CRYBG1: variants seen among roughly 807,000 people sequenced by gnomAD.
CRYBG1 encodes the protein crystallin beta-gamma domain containing 1.
A neutral mutation model predicts 189.2 loss-of-function variants in CRYBG1; 139 were observed. That is an observed-to-expected ratio of 0.73 (90% confidence interval 0.64 to 0.85). CRYBG1 has a LOEUF of 0.85. CRYBG1 is among the 40% of genes least tolerant of loss of function. The pLI, the probability that CRYBG1 is intolerant of heterozygous loss-of-function variation, is 0.00. For missense variants in CRYBG1, 2,611 were observed against 2,675.8 expected, an observed-to-expected ratio of 0.98 and a Z score of 0.53; for synonymous variants, 1,023 against 1,017.1, an observed-to-expected ratio of 1.01 and a Z score of -0.11.
At chr6:106,561,199 AAAATTTAAAACCTCTG>A (rs1428268614) in intron 19 of CRYBG1, 127 bp from the exon 20 acceptor site, 1 of 1,038,500 alleles carries the variant, frequency 9.6e-7, no homozygotes, top group Admixed American at 3.0e-5. Context: ...TCTCATTGAG[AAAATTTAAAACCTCTG>A]AGACTCTTGA....
intron 1 of CRYBG1, among the ~76,000 whole-genome samples, chr6:106,395,192 T>G (rs563118007): frequency 9.2e-5 from 14 of 151,952 alleles, no homozygotes; most frequent in African/African-American, 2.4e-4. Flanking sequence ...CTCAGGAGTT[T>G]GAGATCAGTC....
chr6:106,528,519 A>C (rs1773805439), intron 7 of CRYBG1, among the ~76,000 whole-genome samples: 1 of 152,126 alleles, frequency 6.6e-6, no homozygotes, highest in African/African-American at 2.4e-5. Context: ...TACAGGTACA[A>C]TGCTGTTCCA....
intron 2 of CRYBG1, among the ~76,000 whole-genome samples, chr6:106,452,170 G>A (rs1771794385): frequency 1.3e-5 from 2 of 148,432 alleles, no homozygotes; most frequent in Non-Finnish European, 3.0e-5. Context: ...ATTTTTGGAG[G>A]CAGAGGCAGG....
In CRYBG1 at chr6:106,511,864, C is replaced by A. The variant is rs1392821167; in HGVS notation, c.747C>A (p.Thr249=). Reference sequence around the variant, plus strand: ...AGGGAGAGCCTTTCCCAGATGCCACCACCACTGCCAAGCAGCTGCATTCCT... The same window carrying A: ...AGGGAGAGCCTTTCCCAGATGCCACAACCACTGCCAAGCAGCTGCATTCCT... ...EAEGEPFPDA[T]TTAKQLHSSP... is the part of the protein sequence containing the mutation. Residue 249 remains threonine (T), a synonymous_variant, in exon 3 of 22, where the codon ACC becomes ACA. Transcript: ENST00000633556. 6.6e-7 allele frequency: 1 copy of A among 1,515,686 alleles called. No individual in the cohort carries two copies. The highest frequency in any genetic ancestry group is 8.8e-7 in the Non-Finnish European group (1 of 1,134,436). 93.9% of individuals were successfully genotyped at this position (1,515,686 alleles called of 1,614,324 possible). A position where few individuals can be genotyped will look rare whatever the true frequency, so the allele number is the denominator to read the frequency against.
chr6:106,428,644 A>G (rs1415449213), intron 1 of CRYBG1, among the ~76,000 whole-genome samples: 3 of 152,230 alleles, frequency 2.0e-5, no homozygotes, highest in Non-Finnish European at 2.9e-5. Context: ...GAGAGAAAGT[A>G]TCTTGCCTAA....
chr6:106,427,083 T>C (rs957081171), intron 1 of CRYBG1, among the ~76,000 whole-genome samples: 4 of 152,278 alleles, frequency 2.6e-5, no homozygotes, highest in African/African-American at 4.8e-5. Flanking sequence ...CTTCCCAACT[T>C]TGAAATGTGG....
Position 106,398,508 on chromosome 6 carries a change from G to A in CRYBG1, c.173+37427G>A, listed in dbSNP as rs144662939. Among the ~76,000 whole-genome samples, 654 of 152,150 alleles carry A rather than the reference G, an allele frequency of 4.3e-3. 4 individuals carry two copies. Among genetic ancestry groups the A allele is most frequent in the African/African-American group, 0.015 (628 of 41,526 alleles). ...TAAACCAACAACCGGTGAACCAGAA[G>A]CCAATTCAGTAATTGGTAGCAAAAA... On this transcript the variant is annotated intron_variant, in intron 1 of 21. Transcript: ENST00000633556.
At position 106,519,021 on chromosome 6, in the gene CRYBG1, G is replaced by C. The variant is rs988436245; in HGVS notation, c.1923-110G>C. The stretch of plus-strand genomic sequence containing the variant: ...CACACACACACACCACACTCCAAAT[G>C]TTATATATCAGGGAGATGTTGGCTT... On this transcript the variant is annotated intron_variant, in intron 3 of 21. Transcript: ENST00000633556. 13 of 1,054,670 alleles carry C rather than the reference G, an allele frequency of 1.2e-5. No homozygotes were observed. The African/African-American group carries it at 2.2e-4, about 18-fold the overall frequency. The allele number at this position is 1,054,670 out of a possible 1,614,324, so 65.3% of individuals were successfully genotyped here.
chr6:106,492,045 A>G lies in CRYBG1; in HGVS notation c.313-19385A>G, dbSNP rs149423787. On this transcript the variant is annotated intron_variant, in intron 2 of 21. Transcript: ENST00000633556. Reference sequence around the variant, plus strand: ...TCTTGGCCCTCATCTTATTAAATCCATCCTTTAAGGCTAGTACTGTGTTCT... The same window carrying G: ...TCTTGGCCCTCATCTTATTAAATCCGTCCTTTAAGGCTAGTACTGTGTTCT... 1.8e-4 allele frequency among the ~76,000 whole-genome samples: 27 copies of G among 152,100 alleles called. No homozygotes were observed. In the East Asian group the frequency reaches 5.2e-3, roughly 29 times the overall value.
In CRYBG1 at chr6:106,513,033, T is replaced by G; in HGVS notation, c.1916T>G (p.Val639Gly). Residue 639 changes from valine to glycine, a missense_variant, in exon 3 of 22, where the codon GTG (valine) becomes GGG (glycine). Physicochemically the swap from Val to Gly is moderately radical, Grantham distance 109. Coordinates refer to ENST00000633556, the MANE Select transcript of CRYBG1 (RefSeq NM_001371242.2). ...GGCAGGTCGACAGTGACCACTAAAG[T>G]GACCCTGTAAGTAGCCGCGCAAGTC... ...GVGRSTVTTK[V>G]TLPAKPKHVE... 1 of 1,601,366 alleles carries G rather than the reference T, an allele frequency of 6.2e-7. No homozygotes were observed. The highest frequency in any genetic ancestry group is 8.5e-7 in the Non-Finnish European group (1 of 1,179,160).
At chr6:106,443,185 A>G (rs1771597916) in intron 1 of CRYBG1, among the ~76,000 whole-genome samples, 1 of 152,182 alleles carries the variant, frequency 6.6e-6, no homozygotes, top group South Asian at 2.1e-4. Flanking sequence ...TGTATTTATA[A>G]CTGCCTCCCT....
chr6:106,422,363 A>C (rs1771146871), intron 1 of CRYBG1, among the ~76,000 whole-genome samples: 1 of 48,106 alleles, frequency 2.1e-5, no homozygotes, highest in South Asian at 1.2e-3. Context: ...ACATGGTCTC[A>C]CTTGGTCACC....
At chr6:106,416,414 A>G (rs1018962752) in intron 1 of CRYBG1, among the ~76,000 whole-genome samples, 54 of 152,242 alleles carry the variant, frequency 3.5e-4, no homozygotes, top group African/African-American at 1.1e-3. Flanking sequence ...ACACCCAAGC[A>G]TGAGCTTTAC....
chr6:106,519,332 TA>T lies in CRYBG1; in HGVS notation c.2128del (p.Thr710ArgfsTer8). 1 of 1,614,112 alleles carries T rather than the reference TA, an allele frequency of 6.2e-7. No individual in the cohort carries two copies. The highest frequency in any genetic ancestry group is 8.5e-7 in the Non-Finnish European group (1 of 1,180,018). ...GCCAAAGGAATACTCCTGCCTCTAG[TA>T]AAACGTTTGTTGGGAGGGCAAAGCT... Reference protein sequence around the residue: ...RGQRNTPASSKTFVGRAKLNL... With the variant: ...RGQRNTPASSXTFVGRAKLNL... On this transcript the variant is annotated frameshift_variant, in exon 4 of 22. Transcript: ENST00000633556. LOFTEE classifies it high-confidence loss of function.
rs1231603918 is a variant in CRYBG1, at chr6:106,511,633, C to G, written c.516C>G (p.Ser172Arg). The change falls in exon 3 of 22, where the codon AGC (serine) becomes AGG (arginine). Residue 172 changes from serine (S) to arginine (R), a missense_variant. Physicochemically the swap from Ser to Arg is moderately radical, Grantham distance 110. Coordinates refer to ENST00000633556, the MANE Select transcript of CRYBG1 (RefSeq NM_001371242.2). ...AGAGTGAGAGGAGCAGATCTCAGAG[C>G]AGCCAACTGAAGCAAACGGACACAA... ...ERESERSRSQSSQLKQTDTSE... is the reference protein window; with the variant it reads ...ERESERSRSQRSQLKQTDTSE... 2 of 1,535,698 alleles carry G rather than the reference C, an allele frequency of 1.3e-6. No homozygotes were observed. Among genetic ancestry groups the G allele is most frequent in the Non-Finnish European group, 1.7e-6 (2 of 1,146,684 alleles).
chr6:106,505,508 C>T (rs144984050), intron 2 of CRYBG1, among the ~76,000 whole-genome samples: 2 of 152,124 alleles, frequency 1.3e-5, no homozygotes, highest in Non-Finnish European at 2.9e-5. Flanking sequence ...GGATTACAGG[C>T]GTGAACCACC....
chr6:106,419,791 G>A (rs1050720281), intron 1 of CRYBG1, among the ~76,000 whole-genome samples: 4 of 152,174 alleles, frequency 2.6e-5, no homozygotes, highest in Admixed American at 6.5e-5. Flanking sequence ...GCTCCACTCT[G>A]ACTTATAATC....
chr6:106,520,341 C>G lies in CRYBG1; in HGVS notation c.3133C>G (p.Gln1045Glu). ...AACTCTGCCTATTCAGGCTCAAAGTCAGGGCAGCAGAACACCCCTGATGGC... is the reference window on the plus strand; with the variant it reads ...AACTCTGCCTATTCAGGCTCAAAGTGAGGGCAGCAGAACACCCCTGATGGC... ...EKTLPIQAQS[Q>E]GSRTPLMAES... is the part of the protein sequence containing the mutation. Residue 1045 changes from glutamine to glutamate, a missense_variant, in exon 4 of 22, where the codon CAG becomes GAG. Physicochemically the swap from Gln to Glu is conservative, Grantham distance 29. Coordinates refer to ENST00000633556, the MANE Select transcript of CRYBG1 (RefSeq NM_001371242.2). 6.2e-7 allele frequency: 1 copy of G among 1,614,132 alleles called. No homozygotes were observed. The highest frequency in any genetic ancestry group is 8.5e-7 in the Non-Finnish European group (1 of 1,180,032).
chr6:106,541,426 T>C, intron 9 of CRYBG1, 160 bp from the exon 10 acceptor site: 1 of 734,952 alleles, frequency 1.4e-6, no homozygotes. Flanking sequence ...CGTGTCTTCA[T>C]CTGTATTGTT....
Sources: allele counts gnomAD v4.1 joint callset (sites outside exome capture counted in the v4.1 genomes callset), GRCh38; gene constraint gnomAD v4.1.1; transcripts MANE v1.5; gene names NCBI Gene and HGNC (gene_info 2026-07-23, HGNC 2026-07-21).